Variants in KCP observed in about 807,000 individuals in gnomAD.
KCP encodes the protein kielin/chordin-like protein.
KCP carries 194 observed loss-of-function variants against 212.7 expected under a neutral mutation model. That is an observed-to-expected ratio of 0.91 (90% confidence interval 0.81 to 1.03). The LOEUF (loss-of-function observed/expected upper bound fraction) is 1.03. Ranked by LOEUF, KCP falls within the 50% of genes least tolerant of loss-of-function variation. KCP has a pLI of 0.00. For missense variants in KCP, 2,080 were observed against 2,162.5 expected (o/e 0.96, Z 0.76); for synonymous variants, 833 against 865.3 (o/e 0.96, Z 0.65).
intron 8 of KCP, among the ~76,000 whole-genome samples, chr7:128,901,911 C>T (rs955603146): frequency 3.9e-5 from 6 of 152,268 alleles, no homozygotes; most frequent in Middle Eastern, 3.4e-3. Context: ...ATCTGGGGTA[C>T]GTTCCCCTCT....
At chr7:128,880,762 CG>C (rs773549623) in intron 32 of KCP, 41 bp from the exon 33 acceptor site, 4 of 406,464 alleles carry the variant, frequency 9.8e-6, no homozygotes, top group Non-Finnish European at 1.7e-5. Context: ...TCTGCAGGGC[CG>C]GAGTCCCCAG....
chr7:128,882,977 C>T (rs1793420916), intron 29 of KCP, among the ~76,000 whole-genome samples: 1 of 151,240 alleles, frequency 6.6e-6, no homozygotes, highest in Admixed American at 6.6e-5. Flanking sequence ...GAGGCTGAGG[C>T]AGGTGAATCC....
At chr7:128,885,660 T>A (rs569349793) in intron 26 of KCP, among the ~76,000 whole-genome samples, 3 of 152,162 alleles carry the variant, frequency 2.0e-5, no homozygotes, top group African/African-American at 7.2e-5. Context: ...AGTCTCCTCA[T>A]CTGTTAAATG....
chr7:128,891,218 G>C lies in KCP; in HGVS notation c.1939C>G (p.Leu647Val). 6.5e-7 allele frequency: 1 copy of C among 1,545,816 alleles called. No homozygotes were observed. Among genetic ancestry groups the C allele is most frequent in the South Asian group, 1.2e-5 (1 of 84,032 alleles). The change falls in exon 19 of 40, where the codon CTG becomes GTG. Residue 647 changes from leucine to valine, a missense_variant. Coordinates refer to ENST00000610776, the MANE Select transcript of KCP (RefSeq NM_001366122.1). Reference protein sequence around the residue: ...CVPLPCPEPVLLPGECCPQCP... With the variant: ...CVPLPCPEPVVLPGECCPQCP... The stretch of plus-strand genomic sequence containing the variant: ...TGCGGGCAGCACTCTCCCGGCAGCA[G>C]GACAGGCTCTGGACAGGGCAGCGGC...
Position 128,903,740 on chromosome 7 carries a change from G to T in KCP, c.735C>A (p.Cys245Ter). The change falls in exon 7 of 40, where the codon TGC becomes TGA. Residue 245 changes from cysteine to a stop codon, truncating the protein, a stop_gained. Coordinates refer to ENST00000610776, the MANE Select transcript of KCP (RefSeq NM_001366122.1). LOFTEE classifies it high-confidence loss of function. ...PEPVLRPGHC[C>*]PTCQGCTEGG... The stretch of plus-strand genomic sequence containing the variant: ...AGGGGCTCTCACCTTGGCAGGTTGG[G>T]CAGCAGTGCCCAGGCCTCAGCACTG... 1.9e-6 allele frequency: 3 copies of T among 1,550,078 alleles called. No individual in the cohort carries two copies. Among genetic ancestry groups the T allele is most frequent in the Non-Finnish European group, 1.7e-6 (2 of 1,146,314 alleles).
intron 21 of KCP, 114 bp from the exon 22 acceptor site, chr7:128,889,153 G>A (rs541706784): frequency 4.1e-5 from 33 of 800,224 alleles, no homozygotes; most frequent in South Asian, 2.1e-4. Context: ...AAGATCTAGC[G>A]TGGGGGCTGG....
chr7:128,910,578 A>C, intron 1 of KCP, 23 bp downstream of exon 1: 1 of 1,508,240 alleles, frequency 6.6e-7, no homozygotes, highest in Non-Finnish European at 8.8e-7. Context: ...GCCGGACCCC[A>C]AGCCTCCCGC....
At position 128,877,748 on chromosome 7, in the gene KCP, G is replaced by A. The variant is rs1469870148; in HGVS notation, c.4354C>T (p.Arg1452Ter). Residue 1452 changes from arginine (R) to a stop codon, truncating the protein, a stop_gained, in exon 39 of 40, where the codon CGA (arginine) becomes TGA (stop). Coordinates refer to ENST00000610776, the MANE Select transcript of KCP (RefSeq NM_001366122.1). LOFTEE classifies it high-confidence loss of function. ...GCTGCCCGGCACGGATCCACCTCTC[G>A]GCCTGCAGAACAGGGCCGGCCAGGC... The part of the protein sequence containing the change: ...LWPGRPCSAG[R>*]EVDPCRAAGY... 1.4e-5 allele frequency: 22 copies of A among 1,550,516 alleles called. No individual in the cohort carries two copies. Among genetic ancestry groups the A allele is most frequent in the African/African-American group, 2.7e-5 (2 of 73,046 alleles).
chr7:128,885,192 C>T lies in KCP; in HGVS notation c.2945G>A (p.Cys982Tyr). 6.4e-7 allele frequency: 1 copy of T among 1,550,880 alleles called. No homozygotes were observed. Among genetic ancestry groups the T allele is most frequent in the South Asian group, 1.2e-5 (1 of 84,064 alleles). Reference sequence around the variant, plus strand: ...TGCACAGGTGACGACGCCCTCGTGACACACACAGGAGGAGCAGGCACTGTC... The same window carrying T: ...TGCACAGGTGACGACGCCCTCGTGATACACACAGGAGGAGCAGGCACTGTC... ...PPDSACSSCV[C>Y]HEGVVTCARI... The change falls in exon 27 of 40, where the codon TGT becomes TAT. Residue 982 changes from cysteine to tyrosine, a missense_variant. Physicochemically the swap from Cys to Tyr is radical, Grantham distance 194 (BLOSUM62 -2). Transcript: ENST00000610776.
intron 22 of KCP, among the ~76,000 whole-genome samples, chr7:128,888,291 G>C (rs1158810431): frequency 3.4e-5 from 4 of 118,338 alleles, no homozygotes; most frequent in East Asian, 3.2e-4. Flanking sequence ...CACACACACA[G>C]AGCAACACAC....
chr7:128,884,945 G>A, intron 27 of KCP, 82 bp from the exon 28 acceptor site: 1 of 1,483,200 alleles, frequency 6.7e-7, no homozygotes, highest in Non-Finnish European at 9.2e-7. Context: ...TCTATCTCCA[G>A]CCTCCCCCTG....
intron 22 of KCP, among the ~76,000 whole-genome samples, 180 bp downstream of exon 22, chr7:128,888,683 C>CACAT (rs765895510): frequency 9.2e-5 from 14 of 152,146 alleles, no homozygotes; most frequent in East Asian, 5.8e-4. Context: ...CATACACACA[C>CACAT]ACATACATAC....
intron 29 of KCP, 145 bp downstream of exon 29, chr7:128,883,857 G>A: frequency 9.8e-7 from 1 of 1,025,454 alleles, no homozygotes; most frequent in Non-Finnish European, 1.3e-6. Flanking sequence ...CTTAGGGATG[G>A]TGCAGCCCTC....
rs1431248988 is a variant in KCP, at chr7:128,893,865, G to A, written c.1040C>T (p.Pro347Leu). Residue 347 changes from proline (P) to leucine (L), a missense_variant, in exon 11 of 40, where the codon CCG becomes CTG. By Grantham distance (98) the Pro-to-Leu change is moderately conservative (BLOSUM62 -3). Coordinates refer to ENST00000610776, the MANE Select transcript of KCP (RefSeq NM_001366122.1). Reference sequence around the variant, plus strand: ...GCCTGGGTGTCTGCAGGGCACTGGCGGGCAGGGCAGAGGCTCACACTGGAC... The same window carrying A: ...GCCTGGGTGTCTGCAGGGCACTGGCAGGCAGGGCAGAGGCTCACACTGGAC... ...GSVQCEPLPCPPVPCRHPGKI... is the reference protein window; with the variant it reads ...GSVQCEPLPCLPVPCRHPGKI... 26 of 1,551,210 alleles carry A rather than the reference G, an allele frequency of 1.7e-5. No homozygotes were observed. Among genetic ancestry groups the A allele is most frequent in the East Asian group, 2.4e-5 (1 of 40,910 alleles).
chr7:128,877,517 C>G lies in KCP; in HGVS notation c.4585G>C (p.Val1529Leu). ...GTGGGGCCTCGCCAGGTAGGTGTCA[C>G]TCCTGCCTGGCGACAGTGACTGGCG... ...AYASHCRQAG[V>L]TPTWRGPTLC... The change falls in exon 39 of 40, where the codon GTG becomes CTG. Residue 1529 changes from valine (V) to leucine (L), a missense_variant. By Grantham distance (32) the Val-to-Leu change is conservative (BLOSUM62 1). Transcript: ENST00000610776. The G allele has an allele frequency of 6.4e-7, 1 of 1,551,392 alleles. No individual in the cohort carries two copies. The highest frequency in any genetic ancestry group is 1.2e-5 in the South Asian group (1 of 84,062).
chr7:128,881,931 G>A lies in KCP; in HGVS notation c.3324+6C>T. The A allele has an allele frequency of 1.9e-6, 3 of 1,550,910 alleles. No individual in the cohort carries two copies. Among genetic ancestry groups the A allele is most frequent in the Non-Finnish European group, 2.6e-6 (3 of 1,146,660 alleles). The stretch of plus-strand genomic sequence containing the variant: ...CTCTGTGAGTCCCCAAGGCAGGAGG[G>A]CTCACCTGGCACTGGCACGTGTAGC... On this transcript the variant is annotated splice_donor_region_variant and intron_variant, in intron 30 of 39. Transcript: ENST00000610776.
intron 36 of KCP, 31 bp downstream of exon 36, chr7:128,879,687 C>T (rs1475825960): frequency 1.1e-5 from 17 of 1,549,148 alleles, no homozygotes; most frequent in Non-Finnish European, 7.9e-6. Context: ...AGCACAGGAT[C>T]CACCTTCCTC....
chr7:128,904,000 C>A, intron 6 of KCP, 56 bp downstream of exon 6: 1 of 1,489,940 alleles, frequency 6.7e-7, no homozygotes, highest in South Asian at 1.2e-5. Context: ...GGGCCCAGGG[C>A]AGGGCAGGTG....
chr7:128,907,507 C>T, intron 2 of KCP, 54 bp from the exon 3 acceptor site: 6 of 1,247,664 alleles, frequency 4.8e-6, no homozygotes, highest in Non-Finnish European at 6.4e-6. Context: ...CCACCATCTC[C>T]AGTAGAGATG....
Sources: allele counts gnomAD v4.1 joint callset (sites outside exome capture counted in the v4.1 genomes callset), GRCh38; gene constraint gnomAD v4.1.1; transcripts MANE v1.5; gene names NCBI Gene and HGNC (gene_info 2026-07-23, HGNC 2026-07-21).